The following CASP8 variants were observed in gnomAD, a reference collection of about 807,000 sequenced individuals.
The protein encoded by CASP8 is caspase-8.
Under a neutral mutation model 46.3 loss-of-function variants are expected in CASP8, and 24 were observed. That is an observed-to-expected ratio of 0.52 (90% CI 0.38 to 0.73). The LOEUF is 0.73. Ranked by LOEUF, CASP8 falls within the 30% of genes least tolerant of loss-of-function variation. CASP8 has a pLI of 0.00. For missense variants in CASP8, 460 were observed against 559.0 expected, an observed-to-expected ratio of 0.82 and a Z score of 1.79; for synonymous variants, 188 against 200.4, an observed-to-expected ratio of 0.94 and a Z score of 0.52.
chr2:201,276,837 AAGTTTACCAAATG>A lies in CASP8; in HGVS notation c.673_685del (p.Val225LysfsTer9). 1.9e-6 allele frequency: 3 copies of A among 1,614,132 alleles called. No individual in the cohort carries two copies. Among genetic ancestry groups the A allele is most frequent in the Non-Finnish European group, 2.5e-6 (3 of 1,179,984 alleles). ...GTTTTTGTTTTCCAGACTTTGGACAAAGTTTACCAAATGAAAAGCAAACCTCGGGGATACTGTC... is the reference window on the plus strand; with the variant it reads ...GTTTTTGTTTTCCAGACTTTGGACAAAAAAGCAAACCTCGGGGATACTGTC... On this transcript the variant is annotated frameshift_variant, in exon 7 of 9. Transcript: ENST00000673742. LOFTEE classifies it high-confidence loss of function.
intron 7 of CASP8, chr2:201,277,802 G>T: frequency 2.7e-6 from 1 of 368,808 alleles, no homozygotes; most frequent in Non-Finnish European, 5.2e-6. Context: ...CCTGGTTCAA[G>T]TGATTCTCCT....
chr2:201,262,025 T>C lies in CASP8; in HGVS notation c.-27+1412T>C, dbSNP rs150831612. On this transcript the variant is annotated intron_variant, in intron 1 of 8. Coordinates refer to ENST00000673742, the MANE Select transcript of CASP8 (RefSeq NM_001372051.1). ...AGTGGATTTGTTAAGAACTTCTGTT[T>C]TTGTGGCTTTGTTATTATAAAATTT... is the stretch of plus-strand genomic sequence containing the variant. The C allele has an allele frequency of 1.5e-4, 23 of 152,274 alleles. No homozygotes were observed. The East Asian group carries it at 4.2e-3, about 28-fold the overall frequency. The allele number at this position is 152,274 out of a possible 1,614,324, so 9.4% of individuals were successfully genotyped here.
intron 6 of CASP8, among the ~76,000 whole-genome samples, chr2:201,275,664 G>C (rs1216411367): frequency 6.6e-6 from 1 of 152,196 alleles, no homozygotes; most frequent in Non-Finnish European, 1.5e-5. Flanking sequence ...AAACAGTATA[G>C]CATGCTACAA....
chr2:201,272,880 T>C lies in CASP8; in HGVS notation c.551-18T>C. 1 of 1,613,838 alleles carries C rather than the reference T, an allele frequency of 6.2e-7. No individual in the cohort carries two copies. Among genetic ancestry groups the C allele is most frequent in the East Asian group, 2.2e-5 (1 of 44,882 alleles). ...GTTTCTAATCAAATATTGTTTGGGG[T>C]TTCCCCTTTTAATTCAGAGAGAAGC... On this transcript the variant is annotated intron_variant, in intron 4 of 8. Transcript: ENST00000673742. The surrounding 1 kb of genome is among the most constrained non-coding windows in gnomAD (Gnocchi z 4.4).
intron 7 of CASP8, among the ~76,000 whole-genome samples, chr2:201,281,016 T>C (rs868091234): frequency 2.0e-5 from 3 of 152,174 alleles, no homozygotes; most frequent in South Asian, 2.1e-4. Context: ...GTCTTAATAA[T>C]AGAAATATTA....
intron 7 of CASP8, among the ~76,000 whole-genome samples, chr2:201,282,735 C>G (rs1266072985): frequency 2.6e-5 from 2 of 78,110 alleles, no homozygotes; most frequent in African/African-American, 8.6e-5. Context: ...GCTGGCCGGG[C>G]AGAGGGGTCC....
intron 1 of CASP8, among the ~76,000 whole-genome samples, chr2:201,261,351 A>G (rs1947383023): frequency 6.8e-6 from 1 of 147,194 alleles, no homozygotes; most frequent in African/African-American, 2.5e-5. Context: ...AGATCGTGCC[A>G]CTGCACTCCA....
rs34129743 is a variant in CASP8 at position 201,269,215 on chromosome 2, G to A, written c.306-2301G>A. ...TCAGCCTCCCAAGTTCTGGGATTACGGGCATGAGCCACTGCGCCTGGCCAG... is the reference window on the plus strand; with the variant it reads ...TCAGCCTCCCAAGTTCTGGGATTACAGGCATGAGCCACTGCGCCTGGCCAG... On this transcript the variant is annotated intron_variant, in intron 2 of 8. Transcript: ENST00000673742. Among the ~76,000 whole-genome samples the A allele has an allele frequency of 1.4e-3, 208 of 152,024 alleles. 2 individuals carry two copies. Among genetic ancestry groups the A allele is most frequent in the African/African-American group, 4.7e-3 (194 of 41,426 alleles).
At chr2:201,280,795 A>T (rs544576154) in intron 7 of CASP8, among the ~76,000 whole-genome samples, 1 of 152,340 alleles carries the variant, frequency 6.6e-6, no homozygotes, top group East Asian at 1.9e-4. Flanking sequence ...CTCTGGATGG[A>T]AAGTTTTCCA....
intron 7 of CASP8, among the ~76,000 whole-genome samples, chr2:201,281,197 C>T (rs1948979137): frequency 1.3e-5 from 2 of 151,972 alleles, no homozygotes; most frequent in South Asian, 4.2e-4. Flanking sequence ...GCCTGTAGTC[C>T]CACCTGCTTG....
intron 7 of CASP8, among the ~76,000 whole-genome samples, chr2:201,278,439 C>A (rs1266756045): frequency 6.6e-6 from 1 of 152,182 alleles, no homozygotes; most frequent in Non-Finnish European, 1.5e-5. Context: ...TTTCACAGAA[C>A]CAACACACTG....
At chr2:201,271,718 C>A (rs1161037463) in intron 3 of CASP8, 97 bp downstream of exon 3, 1 of 770,114 alleles carries the variant, frequency 1.3e-6, no homozygotes. Flanking sequence ...TAAAAGCAAC[C>A]TGGATTCTCA....
At chr2:201,243,284 A>G (rs1320096811) in intron 2 of CASP8, among the ~76,000 whole-genome samples, 1 of 152,218 alleles carries the variant, frequency 6.6e-6, no homozygotes, top group African/African-American at 2.4e-5. Flanking sequence ...ATTCCTATAC[A>G]TAGGATTCCT....
intron 8 of CASP8, 48 bp downstream of exon 8, chr2:201,285,365 C>A (rs769700812): frequency 5.6e-6 from 9 of 1,601,620 alleles, no homozygotes; most frequent in East Asian, 2.2e-5. Context: ...TACCTTCCCC[C>A]CCTACTCCAT....
chr2:201,281,714 TA>T, intron 7 of CASP8: 1 of 496,128 alleles, frequency 2.0e-6, no homozygotes, highest in Non-Finnish European at 3.5e-6. Context: ...GTAAATAATA[TA>T]ATCATTTTTA....
intron 2 of CASP8, among the ~76,000 whole-genome samples, chr2:201,237,218 G>A (rs1946090922): frequency 6.6e-6 from 1 of 150,740 alleles, no homozygotes; most frequent in Non-Finnish European, 1.5e-5. Context: ...AGCCTCCTGA[G>A]TAGCTGGGAT....
rs908087909 is a variant in CASP8 at position 201,266,267 on chromosome 2, C to T, written c.-26-194C>T. 1.1e-4 allele frequency among the ~76,000 whole-genome samples: 16 copies of T among 152,130 alleles called. No individual in the cohort carries two copies. Among genetic ancestry groups the T allele is most frequent in the South Asian group, 8.3e-4 (4 of 4,826 alleles). ...TGTTGGGATTAGAGGCGTGAGCCAC[C>T]GCGCCCAGCCCATTGGCTTGTTTGT... On this transcript the variant is annotated intron_variant, in intron 1 of 8. Transcript: ENST00000673742. The surrounding 1 kb of genome is among the most constrained non-coding windows in gnomAD (Gnocchi z 5.7).
chr2:201,274,834 C>A, intron 5 of CASP8, 55 bp from the exon 6 acceptor site: 1 of 1,284,234 alleles, frequency 7.8e-7, no homozygotes, highest in Non-Finnish European at 1.1e-6. Context: ...ATTTCATTAC[C>A]AGTGTACCTT....
chr2:201,256,103 C>T (rs1947005779), upstream of CASP8, among the ~76,000 whole-genome samples: 1 of 152,214 alleles, frequency 6.6e-6, no homozygotes, highest in South Asian at 2.1e-4. Flanking sequence ...ATTCTAAGTG[C>T]TCCAGCTGTT....
Sources: gnomAD v4.1 joint callset for allele counts (sites outside exome capture counted in the v4.1 genomes callset) on GRCh38, gnomAD v4.1.1 for gene constraint, Gnocchi (gnomAD v3.1) non-coding constraint, MANE v1.5 for transcripts, NCBI Gene and HGNC (gene_info 2026-07-23, HGNC 2026-07-21) for gene names.